The following SYNE1 variants were observed in gnomAD, a reference collection of about 807,000 sequenced individuals.
SYNE1 encodes nesprin-1.
SYNE1 carries 616 observed loss-of-function variants against 1,111.0 expected under a neutral mutation model. The ratio of observed to expected loss-of-function variants is 0.55; its 90% confidence interval spans 0.52 to 0.59. The LOEUF is 0.59. Ranked by LOEUF, SYNE1 falls within the 20% of genes least tolerant of loss-of-function variation. The probability of loss-of-function intolerance (pLI) is 0.00; values close to 1 mark genes in which losing one functional copy is unlikely to be tolerated. For missense variants in SYNE1, 10,006 were observed against 10,417.0 expected (o/e 0.96, Z 1.72); for synonymous variants, 3,855 against 3,825.8 (o/e 1.01, Z -0.28).
At chr6:152,251,045 G>A (rs1328552088) in intron 104 of SYNE1, among the ~76,000 whole-genome samples, 1 of 152,076 alleles carries the variant, frequency 6.6e-6, no homozygotes, top group Admixed American at 6.5e-5. Context: ...AGCCTCCCAG[G>A]TTGAAGCAAT....
intron 34 of SYNE1, among the ~76,000 whole-genome samples, chr6:152,430,931 G>C (rs993854478): frequency 6.6e-6 from 1 of 152,154 alleles, no homozygotes; most frequent in African/African-American, 2.4e-5. Flanking sequence ...GCTGGATAGA[G>C]CATACGGAGA....
intron 141 of SYNE1, 36 bp downstream of exon 141, chr6:152,136,578 GTCTC>G (rs754613946): frequency 6.2e-7 from 1 of 1,608,660 alleles, no homozygotes; most frequent in Non-Finnish European, 8.5e-7. Context: ...AATTGCTAAT[GTCTC>G]TCTCTGAGTC....
In SYNE1 at chr6:152,310,124, A is replaced by C. The variant is rs908973026; in HGVS notation, c.17020-107T>G. 15 of 1,245,816 alleles carry C rather than the reference A, an allele frequency of 1.2e-5. No homozygotes were observed. In the African/African-American group the frequency reaches 2.3e-4, roughly 19 times the overall value. The allele number at this position is 1,245,816 out of a possible 1,614,324, so 77.2% of individuals were successfully genotyped here. A position where few individuals can be genotyped will look rare whatever the true frequency, so the allele number is the denominator to read the frequency against. On this transcript the variant is annotated intron_variant, in intron 89 of 145. Coordinates refer to ENST00000367255, the MANE Select transcript of SYNE1 (RefSeq NM_182961.4). The stretch of plus-strand genomic sequence containing the variant: ...GTTGCAAGTTATAAACATTTTGCAA[A>C]AAAAAAAAAATGTTTAAAACAGTGT...
chr6:152,387,446 C>A, intron 53 of SYNE1, 65 bp from the exon 54 acceptor site: 2 of 1,539,542 alleles, frequency 1.3e-6, no homozygotes, highest in Non-Finnish European at 1.8e-6. Context: ...AAACCAATCA[C>A]AAAGTCGTGA....
At chr6:152,234,584 C>T (rs572012688) in intron 111 of SYNE1, 84 bp downstream of exon 111, 3 of 1,558,082 alleles carry the variant, frequency 1.9e-6, no homozygotes, top group East Asian at 4.5e-5. Context: ...AGCCACCGCA[C>T]CCGGCCTGAC....
chr6:152,194,019 A>G (rs566057172), intron 127 of SYNE1, among the ~76,000 whole-genome samples: 4 of 152,082 alleles, frequency 2.6e-5, no homozygotes, highest in Non-Finnish European at 5.9e-5. Flanking sequence ...TCGAAAAAAA[A>G]AAAAAAAGGT....
chr6:152,628,162 G>C (rs554426263), intron 3 of SYNE1, 103 bp downstream of exon 3: 1 of 1,264,192 alleles, frequency 7.9e-7, no homozygotes, highest in Non-Finnish European at 1.2e-6. Flanking sequence ...CCCATTCTGG[G>C]CTATAATTCC....
chr6:152,346,111 ATT>A (rs1193939054), intron 73 of SYNE1, among the ~76,000 whole-genome samples: 1 of 152,152 alleles, frequency 6.6e-6, no homozygotes, highest in Non-Finnish European at 1.5e-5. Flanking sequence ...CACATCAACT[ATT>A]TTTTTCTTTT....
chr6:152,488,323 A>C (rs2098952005), intron 12 of SYNE1, 73 bp downstream of exon 12: 10 of 765,338 alleles, frequency 1.3e-5, no homozygotes, highest in Non-Finnish European at 2.2e-5. Context: ...CATTAAATGG[A>C]GATCAAATGA....
intron 8 of SYNE1, among the ~76,000 whole-genome samples, chr6:152,509,279 C>T (rs1335518815): frequency 2.7e-5 from 3 of 112,710 alleles, no homozygotes; most frequent in Non-Finnish European, 4.9e-5. Flanking sequence ...GAGATGGAGT[C>T]TAGCTCTGTC....
intron 127 of SYNE1, among the ~76,000 whole-genome samples, chr6:152,189,811 C>A (rs542490587): frequency 6.6e-6 from 1 of 152,180 alleles, no homozygotes; most frequent in African/African-American, 2.4e-5. Context: ...CTTGGCTCAA[C>A]GTGAAAGGCC....
intron 102 of SYNE1, 63 bp downstream of exon 102, chr6:152,256,571 A>C: frequency 4.4e-6 from 7 of 1,606,758 alleles, no homozygotes; most frequent in Non-Finnish European, 6.0e-6. Context: ...GGCCAGGCAA[A>C]TCAATACAAG....
intron 3 of SYNE1, among the ~76,000 whole-genome samples, chr6:152,573,330 CCT>C (rs2099477936): frequency 7.8e-6 from 1 of 128,330 alleles, no homozygotes; most frequent in African/African-American, 3.0e-5. Flanking sequence ...TATCCCCCCC[CCT>C]CCCCCCACCC....
intron 145 of SYNE1, 90 bp from the exon 146 acceptor site, chr6:152,122,766 G>C: frequency 6.3e-7 from 1 of 1,594,438 alleles, no homozygotes; most frequent in South Asian, 1.1e-5. Context: ...GAAGCTAAAG[G>C]GCCATGCCAA....
chr6:152,224,962 TA>T (rs1405730190), intron 116 of SYNE1, among the ~76,000 whole-genome samples: 1 of 145,632 alleles, frequency 6.9e-6, no homozygotes, highest in Non-Finnish European at 1.5e-5. Context: ...TATATGTGTA[TA>T]TATATATACA....
chr6:152,495,610 T>A (rs1422680880), intron 11 of SYNE1, among the ~76,000 whole-genome samples: 1 of 152,208 alleles, frequency 6.6e-6, no homozygotes, highest in Admixed American at 6.5e-5. Flanking sequence ...TCCGATTACC[T>A]GCTCCACCCT....
At chr6:152,140,278 C>T in intron 139 of SYNE1, 117 bp from the exon 140 acceptor site, 1 of 996,202 alleles carries the variant, frequency 1.0e-6, no homozygotes, top group Non-Finnish European at 1.6e-6. Flanking sequence ...AAAGTAATTC[C>T]ACTGGGCATT....
chr6:152,219,988 G>A (rs947623681), intron 119 of SYNE1, among the ~76,000 whole-genome samples: 3 of 152,178 alleles, frequency 2.0e-5, no homozygotes, highest in Non-Finnish European at 2.9e-5. Context: ...GGCTCTTTAC[G>A]CTTGACACAG....
Position 152,430,263 on chromosome 6 carries a change from CA to C in SYNE1, c.4690-54del, listed in dbSNP as rs373546290. On this transcript the variant is annotated intron_variant, in intron 35 of 145. Transcript: ENST00000367255. ...ACAGTGGGAAAGATACATAGCAAGA[CA>C]AAAAAAAAAGTTACTGAGAAAATGG... The C allele has an allele frequency of 0.031, 38,212 of 1,227,766 alleles. 577 individuals are homozygous for C. Among genetic ancestry groups the C allele is most frequent in the Admixed American group, 0.093 (4,031 of 43,560 alleles). 76.1% of individuals were successfully genotyped at this position (1,227,766 alleles called of 1,614,324 possible). A position where few individuals can be genotyped will look rare whatever the true frequency, so the allele number is the denominator to read the frequency against.
Sources: gnomAD v4.1 joint callset for allele counts (sites outside exome capture counted in the v4.1 genomes callset) on GRCh38, gnomAD v4.1.1 for gene constraint, MANE v1.5 for transcripts, NCBI Gene and HGNC (gene_info 2026-07-23, HGNC 2026-07-21) for gene names.